The following PIK3C2G variants were observed in gnomAD, a reference collection of about 807,000 sequenced individuals.
The protein encoded by PIK3C2G is phosphatidylinositol 3-kinase C2 domain-containing subunit gamma.
Under a neutral mutation model 181.1 loss-of-function variants are expected in PIK3C2G, and 168 were observed. That is an observed-to-expected ratio of 0.93 (90% CI 0.82 to 1.05). The LOEUF is 1.05. PIK3C2G is among the 50% of genes least tolerant of loss of function. PIK3C2G has a pLI of 0.00. For missense variants in PIK3C2G, 1,869 were observed against 1,732.8 expected, an observed-to-expected ratio of 1.08 and a Z score of -1.40; for synonymous variants, 573 against 592.2, an observed-to-expected ratio of 0.97 and a Z score of 0.47.
intron 17 of PIK3C2G, among the ~76,000 whole-genome samples, chr12:18,422,313 A>C (rs1945532279): frequency 7.4e-6 from 1 of 135,172 alleles, no homozygotes; most frequent in South Asian, 2.2e-4. Flanking sequence ...ATGTGACTAG[A>C]AAAATTTAAA....
chr12:18,594,563 T>A lies in PIK3C2G; in HGVS notation c.4081T>A (p.Tyr1361Asn). The A allele has an allele frequency of 6.6e-7, 1 of 1,511,824 alleles. No individual in the cohort carries two copies. The highest frequency in any genetic ancestry group is 8.9e-7 in the Non-Finnish European group (1 of 1,127,364). The allele number at this position is 1,511,824 out of a possible 1,614,324, so 93.7% of individuals were successfully genotyped here. ...QQTVEESSPV[Y>N]LGEKFPDKKP... is the part of the protein sequence containing the mutation. Reference sequence around the variant, plus strand: ...AACAGTTGAAGAATCATCACCTGTGTACCTAGGTAAGTAAATTTGTCATTA... The same window carrying A: ...AACAGTTGAAGAATCATCACCTGTGAACCTAGGTAAGTAAATTTGTCATTA... Residue 1361 changes from tyrosine (Y) to asparagine (N), a missense_variant, in exon 30 of 33, where the codon TAC (tyrosine) becomes AAC (asparagine). Transcript: ENST00000538779.
At chr12:18,263,745 C>A (rs1034474420) in intron 1 of PIK3C2G, among the ~76,000 whole-genome samples, 1 of 152,012 alleles carries the variant, frequency 6.6e-6, no homozygotes, top group Non-Finnish European at 1.5e-5. Context: ...GCCTGTGATA[C>A]CTTTTTCGTC....
At chr12:18,699,369 G>T in the PIK3C2G span, among the ~76,000 whole-genome samples, 1 of 152,164 alleles carries the variant, frequency 6.6e-6, no homozygotes, top group East Asian at 1.9e-4. Flanking sequence ...CCCTTTGGCT[G>T]CTATCAGAGG....
chr12:18,354,503 C>T (rs1940527014), intron 11 of PIK3C2G, among the ~76,000 whole-genome samples: 1 of 152,214 alleles, frequency 6.6e-6, no homozygotes, highest in Non-Finnish European at 1.5e-5. Flanking sequence ...CAATCCTACA[C>T]TGTTGGCAAA....
chr12:18,323,153 C>T (rs1375135573), intron 7 of PIK3C2G, among the ~76,000 whole-genome samples: 1 of 152,132 alleles, frequency 6.6e-6, no homozygotes, highest in Non-Finnish European at 1.5e-5. Context: ...ATTGCCTGCC[C>T]CCTAGCAGAT....
chr12:18,245,067 A>C (rs781270699), upstream of PIK3C2G, among the ~76,000 whole-genome samples: 10 of 152,142 alleles, frequency 6.6e-5, no homozygotes, highest in Non-Finnish European at 1.2e-4. Context: ...ATGATAAAGC[A>C]TGTGAACTGA....
chr12:18,306,711 T>A (rs1423210966), intron 5 of PIK3C2G, among the ~76,000 whole-genome samples: 2 of 152,022 alleles, frequency 1.3e-5, no homozygotes, highest in African/African-American at 4.8e-5. Flanking sequence ...AGTACTAATA[T>A]TATTTTAATA....
At chr12:18,653,909 A>G in the PIK3C2G span, among the ~76,000 whole-genome samples, 2 of 152,140 alleles carry the variant, frequency 1.3e-5, no homozygotes, top group Non-Finnish European at 2.9e-5. Flanking sequence ...AAATTCAGAA[A>G]GCAATTTAAA....
chr12:18,259,274 T>C (rs997972375), upstream of PIK3C2G, among the ~76,000 whole-genome samples: 1 of 152,100 alleles, frequency 6.6e-6, no homozygotes, highest in Non-Finnish European at 1.5e-5. Flanking sequence ...AATGGGTATA[T>C]ACAAATAACA....
chr12:18,652,202 A>C (rs1375559264), downstream of PIK3C2G, among the ~76,000 whole-genome samples: 1 of 152,156 alleles, frequency 6.6e-6, no homozygotes, highest in East Asian at 1.9e-4. Context: ...TAATTATTTA[A>C]GATGAGGTCA....
intron 28 of PIK3C2G, among the ~76,000 whole-genome samples, chr12:18,566,439 T>C (rs902510100): frequency 1.1e-4 from 16 of 152,198 alleles, no homozygotes; most frequent in African/African-American, 3.6e-4. Flanking sequence ...CATCAGATTG[T>C]GCAAAGGAAA....
intron 6 of PIK3C2G, among the ~76,000 whole-genome samples, chr12:18,319,206 T>C (rs1375664094): frequency 6.6e-6 from 1 of 152,226 alleles, no homozygotes; most frequent in Non-Finnish European, 1.5e-5. Flanking sequence ...TAAATTGGTT[T>C]CCCTTTTTGT....
intron 26 of PIK3C2G, among the ~76,000 whole-genome samples, chr12:18,562,325 G>T (rs1357348967): frequency 1.3e-5 from 2 of 152,084 alleles, no homozygotes; most frequent in Non-Finnish European, 2.9e-5. Context: ...GTAGAAACAG[G>T]GTTTCACCGT....
chr12:18,326,062 A>G (rs775138128), intron 8 of PIK3C2G, among the ~76,000 whole-genome samples: 5 of 152,152 alleles, frequency 3.3e-5, no homozygotes, highest in Non-Finnish European at 7.3e-5. Flanking sequence ...AAGAAGTGAA[A>G]ATGTGCAATT....
At chr12:18,519,980 C>T (rs1397180206) in intron 24 of PIK3C2G, among the ~76,000 whole-genome samples, 2 of 136,006 alleles carry the variant, frequency 1.5e-5, no homozygotes, top group African/African-American at 5.5e-5. Flanking sequence ...CCAAGAAACA[C>T]CCAAGAATGA....
intron 16 of PIK3C2G, among the ~76,000 whole-genome samples, chr12:18,410,444 G>A (rs1482419173): frequency 6.6e-6 from 1 of 150,752 alleles, no homozygotes; most frequent in Non-Finnish European, 1.5e-5. Flanking sequence ...GGTGGAGGTT[G>A]CAGTGAGCCA....
intron 24 of PIK3C2G, among the ~76,000 whole-genome samples, chr12:18,533,850 A>G (rs1480826059): frequency 6.6e-6 from 1 of 151,940 alleles, no homozygotes; most frequent in Non-Finnish European, 1.5e-5. Flanking sequence ...TGGTATTCTA[A>G]TGACTATACA....
chr12:18,381,769 A>T lies in PIK3C2G; in HGVS notation c.1884A>T (p.Lys628Asn). Reference sequence around the variant, plus strand: ...GTGTGTGTGTTGTCTTTTGCAGAAAATCCATTCTCGGGTCTATGCTGTTCA... The same window carrying T: ...GTGTGTGTGTTGTCTTTTGCAGAAATTCCATTCTCGGGTCTATGCTGTTCA... ...WTCLPLFPKE[K>N]SILGSMLFSM... Residue 628 changes from lysine to asparagine, a missense_variant, in exon 14 of 33, where the codon AAA becomes AAT. By Grantham distance (94) the Lys-to-Asn change is moderately conservative (BLOSUM62 0). Coordinates refer to ENST00000538779, the MANE Select transcript of PIK3C2G (RefSeq NM_001288772.2). 6.3e-7 allele frequency: 1 copy of T among 1,598,634 alleles called. No individual in the cohort carries two copies.
intron 31 of PIK3C2G, among the ~76,000 whole-genome samples, chr12:18,620,534 A>ATAGG (rs1196496235): frequency 7.6e-6 from 1 of 131,374 alleles, no homozygotes; most frequent in Non-Finnish European, 1.5e-5. Context: ...AGACAGATAG[A>ATAGG]TAGATAGATA....
Sources: allele counts gnomAD v4.1 joint callset (sites outside exome capture counted in the v4.1 genomes callset), GRCh38; gene constraint gnomAD v4.1.1; transcripts MANE v1.5; gene names NCBI Gene and HGNC (gene_info 2026-07-23, HGNC 2026-07-21).